GALNT17: variants seen among roughly 807,000 people sequenced by gnomAD.
GALNT17 encodes UDP-GalNAc:polypeptide N-acetylgalactosaminyltransferase-like 3.
GALNT17 carries 29 observed loss-of-function variants against 63.7 expected under a neutral mutation model. The ratio of observed to expected loss-of-function variants is 0.46; its 90% CI spans 0.34 to 0.62. GALNT17 has a LOEUF of 0.62. GALNT17 is among the 20% of genes least tolerant of loss of function. GALNT17 has a pLI of 0.01. For missense variants in GALNT17, 603 were observed against 799.6 expected (o/e 0.75, Z 2.97); for synonymous variants, 305 against 318.3 (o/e 0.96, Z 0.45).
intron 2 of GALNT17, among the ~76,000 whole-genome samples, chr7:71,342,472 T>A (rs10252095): frequency 6.6e-6 from 1 of 152,098 alleles, no homozygotes; most frequent in Non-Finnish European, 1.5e-5. Flanking sequence ...GGCTGAGACA[T>A]GCATCCCAAC....
chr7:71,531,785 G>A (rs368668978), intron 5 of GALNT17, among the ~76,000 whole-genome samples: 29 of 152,244 alleles, frequency 1.9e-4, no homozygotes, highest in African/African-American at 6.7e-4. Flanking sequence ...GTAGATCAGC[G>A]GGGTCCGGTC....
intron 3 of GALNT17, among the ~76,000 whole-genome samples, chr7:71,409,848 G>T (rs933403055): frequency 2.6e-5 from 4 of 152,156 alleles, no homozygotes; most frequent in Admixed American, 2.6e-4. Context: ...CGATTTCTGG[G>T]CTGGGGCTTT....
At chr7:71,348,963 C>T (rs1160701715) in intron 2 of GALNT17, among the ~76,000 whole-genome samples, 2 of 152,246 alleles carry the variant, frequency 1.3e-5, no homozygotes, top group African/African-American at 4.8e-5. Context: ...CACACATCCC[C>T]ACACCCTACA....
At chr7:71,222,069 G>A (rs1922523) in intron 1 of GALNT17, among the ~76,000 whole-genome samples, 1 of 151,866 alleles carries the variant, frequency 6.6e-6, no homozygotes, top group Non-Finnish European at 1.5e-5. Flanking sequence ...CACCACGCCC[G>A]GCTAATTTTG....
At chr7:71,482,081 ATGTGTGTGTGTGTG>A (rs10678512) in intron 5 of GALNT17, among the ~76,000 whole-genome samples, 13 of 138,258 alleles carry the variant, frequency 9.4e-5, no homozygotes, top group African/African-American at 3.6e-4. Flanking sequence ...ATATATGTAT[ATGTGTGTGTGTGTG>A]TGTGTGTGTG....
intron 1 of GALNT17, among the ~76,000 whole-genome samples, chr7:71,249,419 A>G (rs1020967274): frequency 2.6e-5 from 4 of 152,200 alleles, no homozygotes; most frequent in Admixed American, 2.6e-4. Flanking sequence ...TTTTGAGCAC[A>G]TACCTCCAAT....
intron 6 of GALNT17, among the ~76,000 whole-genome samples, chr7:71,594,408 G>T (rs982808807): frequency 6.6e-6 from 1 of 152,132 alleles, no homozygotes; most frequent in Non-Finnish European, 1.5e-5. Context: ...TCCTGCCTCA[G>T]CCTCCTGAGT....
chr7:71,372,128 G>A (rs1377146304), intron 2 of GALNT17, among the ~76,000 whole-genome samples: 3 of 152,060 alleles, frequency 2.0e-5, no homozygotes, highest in Admixed American at 1.3e-4. Context: ...CTACAGGCAC[G>A]CACCACCATG....
At chr7:71,442,771 C>T (rs1787091226) in intron 5 of GALNT17, among the ~76,000 whole-genome samples, 6 of 152,138 alleles carry the variant, frequency 3.9e-5, no homozygotes, top group Admixed American at 3.9e-4. Context: ...AACATAACTA[C>T]CAGTCACGCT....
At chr7:71,410,731 C>A (rs1447822449) in intron 3 of GALNT17, among the ~76,000 whole-genome samples, 1 of 152,172 alleles carries the variant, frequency 6.6e-6, no homozygotes, top group Non-Finnish European at 1.5e-5. Flanking sequence ...TTGTAGCTTT[C>A]TTTTTGCCAA....
chr7:71,561,662 G>C (rs964619556), intron 5 of GALNT17, among the ~76,000 whole-genome samples: 6 of 152,158 alleles, frequency 3.9e-5, no homozygotes, highest in Non-Finnish European at 1.5e-5. Context: ...TGGAGATATG[G>C]CTGCCAGAGA....
At chr7:71,611,778 A>G (rs535587069) in intron 6 of GALNT17, among the ~76,000 whole-genome samples, 1 of 152,190 alleles carries the variant, frequency 6.6e-6, no homozygotes, top group South Asian at 2.1e-4. Flanking sequence ...GGTGTAGAAT[A>G]ACCTCGGATG....
chr7:71,360,302 C>T (rs533087527), intron 2 of GALNT17, among the ~76,000 whole-genome samples: 1 of 152,164 alleles, frequency 6.6e-6, no homozygotes, highest in African/African-American at 2.4e-5. Context: ...ATTATGACTA[C>T]TAACTCGGAT....
At chr7:71,187,843 G>A (rs1788880342) in intron 1 of GALNT17, among the ~76,000 whole-genome samples, 1 of 151,996 alleles carries the variant, frequency 6.6e-6, no homozygotes, top group African/African-American at 2.4e-5. Flanking sequence ...CCTATCACCC[G>A]AGCAGTATAC....
intron 6 of GALNT17, among the ~76,000 whole-genome samples, chr7:71,581,899 G>A (rs1197469926): frequency 6.6e-6 from 1 of 152,128 alleles, no homozygotes; most frequent in Non-Finnish European, 1.5e-5. Context: ...GGGGTGCCAG[G>A]ACAAGAGTTG....
intron 1 of GALNT17, among the ~76,000 whole-genome samples, chr7:71,298,527 T>G (rs1053481913): frequency 3.3e-5 from 5 of 152,168 alleles, no homozygotes; most frequent in African/African-American, 1.2e-4. Context: ...CATCTGCTCC[T>G]TTTTCTTTCT....
At chr7:71,303,041 T>G (rs551228523) in intron 1 of GALNT17, among the ~76,000 whole-genome samples, 1 of 152,218 alleles carries the variant, frequency 6.6e-6, no homozygotes, top group Admixed American at 6.5e-5. Flanking sequence ...ATTTTTGTAT[T>G]TTTAGTAGAG....
intron 2 of GALNT17, among the ~76,000 whole-genome samples, chr7:71,364,165 T>G (rs1792458750): frequency 1.3e-5 from 2 of 152,116 alleles, no homozygotes; most frequent in Non-Finnish European, 2.9e-5. Flanking sequence ...CCCTCCCACT[T>G]TTACCACCAA....
At chr7:71,505,082 T>C (rs2116710709) in intron 5 of GALNT17, among the ~76,000 whole-genome samples, 1 of 152,310 alleles carries the variant, frequency 6.6e-6, no homozygotes, top group East Asian at 1.9e-4. Context: ...GGATTAAAAG[T>C]CTGATCTCTT....
Sources: gnomAD v4.1 joint callset for allele counts (sites outside exome capture counted in the v4.1 genomes callset) on GRCh38, gnomAD v4.1.1 for gene constraint, MANE v1.5 for transcripts, NCBI Gene and HGNC (gene_info 2026-07-23, HGNC 2026-07-21) for gene names.